The following CHST9 variants were observed in gnomAD, a reference collection of about 807,000 sequenced individuals.
CHST9 encodes the protein GalNAc-4-sulfotransferase 2.
Under a neutral mutation model 44.4 loss-of-function variants are expected in CHST9, and 41 were observed. The ratio of observed to expected loss-of-function variants is 0.92; its 90% confidence interval spans 0.72 to 1.20. The LOEUF is 1.20. Among genes scored for constraint, CHST9 ranks in the 50% most tolerant of loss-of-function variants. The pLI is 0.00. For missense variants in CHST9, 504 were observed against 516.5 expected (o/e 0.98, Z 0.23); for synonymous variants, 171 against 178.4 (o/e 0.96, Z 0.33).
intron 2 of CHST9, among the ~76,000 whole-genome samples, chr18:27,127,668 T>C (rs1159875395): frequency 1.3e-5 from 2 of 152,088 alleles, no homozygotes; most frequent in Non-Finnish European, 2.9e-5. Flanking sequence ...ACAGAAGAGA[T>C]TGAACTGTGT....
intron 4 of CHST9, among the ~76,000 whole-genome samples, chr18:26,978,810 T>G (rs2056656641): frequency 2.0e-5 from 3 of 152,000 alleles, no homozygotes; most frequent in African/African-American, 7.2e-5. Flanking sequence ...AATTTCAAAG[T>G]GTTATGCAAA....
intron 4 of CHST9, among the ~76,000 whole-genome samples, chr18:27,005,782 G>A (rs776596469): frequency 6.6e-6 from 1 of 152,046 alleles, no homozygotes; most frequent in Non-Finnish European, 1.5e-5. Flanking sequence ...TCCTAGCTAC[G>A]AACCTTCTTC....
At chr18:27,026,456 T>C (rs953073423) in intron 3 of CHST9, among the ~76,000 whole-genome samples, 6 of 152,056 alleles carry the variant, frequency 3.9e-5, no homozygotes, top group African/African-American at 7.3e-5. Flanking sequence ...GATAGGGAAA[T>C]AAATACAATT....
At chr18:27,042,361 T>C (rs1480277736) in intron 3 of CHST9, among the ~76,000 whole-genome samples, 2 of 152,070 alleles carry the variant, frequency 1.3e-5, no homozygotes, top group African/African-American at 2.4e-5. Flanking sequence ...CACTGGTCAA[T>C]GTTTAAAACT....
intron 4 of CHST9, among the ~76,000 whole-genome samples, chr18:26,947,817 A>G (rs1443986895): frequency 6.6e-6 from 1 of 152,226 alleles, no homozygotes; most frequent in Non-Finnish European, 1.5e-5. Flanking sequence ...AATTAGTTCA[A>G]CCATTGTGGA....
intron 4 of CHST9, among the ~76,000 whole-genome samples, chr18:26,956,304 T>G (rs1485578367): frequency 8.2e-6 from 1 of 122,074 alleles, no homozygotes; most frequent in Non-Finnish European, 1.6e-5. Context: ...AGAGTGAGAC[T>G]CTGTCTCAAA....
intron 5 of CHST9, among the ~76,000 whole-genome samples, chr18:26,937,520 A>T (rs952571575): frequency 6.6e-6 from 1 of 152,186 alleles, no homozygotes; most frequent in African/African-American, 2.4e-5. Flanking sequence ...ATACACCTGG[A>T]TTCACATTTG....
intron 2 of CHST9, among the ~76,000 whole-genome samples, chr18:27,141,333 C>T (rs2058563487): frequency 6.6e-6 from 1 of 151,988 alleles, no homozygotes; most frequent in South Asian, 2.1e-4. Context: ...CCACTGCACT[C>T]CAGCCTAGGC....
At chr18:27,166,080 T>A (rs1035667246) in intron 1 of CHST9, among the ~76,000 whole-genome samples, 9 of 152,192 alleles carry the variant, frequency 5.9e-5, no homozygotes, top group African/African-American at 2.2e-4. Flanking sequence ...CCCTTTCTCT[T>A]TCTTCTGTCT....
intron 3 of CHST9, among the ~76,000 whole-genome samples, chr18:27,034,242 T>C (rs999073765): frequency 6.6e-6 from 1 of 152,226 alleles, no homozygotes; most frequent in Non-Finnish European, 1.5e-5. Context: ...GAGTCATCCT[T>C]TATCTCTGTT....
chr18:26,976,163 A>C (rs2056622016), intron 4 of CHST9, among the ~76,000 whole-genome samples: 2 of 152,058 alleles, frequency 1.3e-5, no homozygotes, highest in African/African-American at 4.8e-5. Context: ...CCTGAATATA[A>C]GAAATAATTT....
At chr18:27,066,156 G>A (rs944866622) in intron 2 of CHST9, among the ~76,000 whole-genome samples, 7 of 152,350 alleles carry the variant, frequency 4.6e-5, no homozygotes, top group East Asian at 1.9e-4. Context: ...AAGTCAAAAG[G>A]AGAAGAACTT....
At chr18:27,050,747 T>A (rs2057556395) in intron 2 of CHST9, among the ~76,000 whole-genome samples, 1 of 152,216 alleles carries the variant, frequency 6.6e-6, no homozygotes, top group African/African-American at 2.4e-5. Flanking sequence ...GGGTACCTTC[T>A]CATTTAAGTT....
intron 4 of CHST9, 133 bp from the exon 5 acceptor site, chr18:26,944,499 A>C (rs2056132991): frequency 1.1e-5 from 7 of 653,910 alleles, no homozygotes; most frequent in Non-Finnish European, 1.9e-5. Context: ...TTCTATCACA[A>C]TGTGGATGTT....
At chr18:26,921,285 C>G (rs1180394857) in intron 5 of CHST9, among the ~76,000 whole-genome samples, 1 of 152,164 alleles carries the variant, frequency 6.6e-6, no homozygotes, top group Non-Finnish European at 1.5e-5. Flanking sequence ...GATCTCCAAG[C>G]AACTTTCTAA....
At chr18:27,165,601 C>T (rs1427962753) in intron 1 of CHST9, among the ~76,000 whole-genome samples, 1 of 152,152 alleles carries the variant, frequency 6.6e-6, no homozygotes, top group Admixed American at 6.5e-5. Flanking sequence ...TGACTCATAA[C>T]CAGCAGAGCC....
intron 4 of CHST9, among the ~76,000 whole-genome samples, chr18:26,949,797 A>C (rs1304278734): frequency 6.6e-6 from 1 of 152,194 alleles, no homozygotes; most frequent in Admixed American, 6.5e-5. Flanking sequence ...TAATCATAAG[A>C]GTCCTTATAA....
At chr18:26,978,760 G>A (rs191663758) in intron 4 of CHST9, among the ~76,000 whole-genome samples, 3 of 152,282 alleles carry the variant, frequency 2.0e-5, no homozygotes, top group Non-Finnish European at 4.4e-5. Context: ...GGGCTGTGGA[G>A]AAAATAAAAT....
At chr18:26,952,663 A>G (rs2056266303) in intron 4 of CHST9, 1 of 223,326 alleles carries the variant, frequency 4.5e-6, no homozygotes. Context: ...TTAGCTGTGT[A>G]GTCATTTTCT....
Sources: allele counts gnomAD v4.1 joint callset (sites outside exome capture counted in the v4.1 genomes callset), GRCh38; gene constraint gnomAD v4.1.1; transcripts MANE v1.5; gene names NCBI Gene and HGNC (gene_info 2026-07-23, HGNC 2026-07-21).